PCDH15: variants seen among roughly 807,000 people sequenced by gnomAD.
The protein encoded by PCDH15 is protocadherin related 15.
In PCDH15, 129 loss-of-function variants were observed where a neutral mutation model predicts 178.5. That is an observed-to-expected ratio of 0.72 (90% CI 0.63 to 0.84). The LOEUF (loss-of-function observed/expected upper bound fraction) is 0.84, where lower values mean the gene tolerates loss of function less well. Among genes scored for constraint, PCDH15 ranks in the 40% least tolerant of loss-of-function variants. The pLI, the probability that PCDH15 is intolerant of heterozygous loss-of-function variation, is 0.00. For synonymous variants in PCDH15, 800 were observed against 732.0 expected (o/e 1.09, Z -1.50); for missense variants, 2,230 against 2,099.9 (o/e 1.06, Z -1.21).
At chr10:55,419,746 A>G (rs1007375068) in intron 2 of PCDH15, among the ~76,000 whole-genome samples, 1 of 106,002 alleles carries the variant, frequency 9.4e-6, no homozygotes, top group Non-Finnish European at 1.9e-5. Flanking sequence ...TATTATCTAT[A>G]GTTGCTTTAG....
chr10:55,223,426 T>C (rs1226558274), intron 1 of PCDH15, among the ~76,000 whole-genome samples: 2 of 152,152 alleles, frequency 1.3e-5, no homozygotes, highest in Non-Finnish European at 2.9e-5. Flanking sequence ...TACTCCTTGA[T>C]AACACTGTAA....
chr10:54,218,932 T>C (rs1308991204), intron 9 of PCDH15, among the ~76,000 whole-genome samples: 2 of 151,656 alleles, frequency 1.3e-5, no homozygotes, highest in Non-Finnish European at 2.9e-5. Context: ...AATTTAAAAA[T>C]AAATGGAAAG....
At chr10:54,250,268 T>C (rs893434308) in intron 8 of PCDH15, among the ~76,000 whole-genome samples, 33 of 99,662 alleles carry the variant, frequency 3.3e-4, no homozygotes, top group African/African-American at 1.5e-3. Context: ...ATGCTATTAC[T>C]TTTTTTTTTT....
chr10:53,815,582 TTAGCAAAGACAGAATTCTGTA>T (rs1685839669), intron 35 of PCDH15, among the ~76,000 whole-genome samples: 2 of 152,120 alleles, frequency 1.3e-5, no homozygotes, highest in Admixed American at 1.3e-4. Flanking sequence ...ATGCCTCTTT[TTAGCAAAGACAGAATTCTGTA>T]CTCAAGGAAA....
intron 2 of PCDH15, among the ~76,000 whole-genome samples, chr10:55,580,367 T>A (rs1215397832): frequency 4.0e-5 from 6 of 150,424 alleles, no homozygotes; most frequent in East Asian, 1.9e-4. Flanking sequence ...TTTATTTTTT[T>A]TTTTTTTTGA....
chr10:55,555,707 G>A (rs1842077091), intron 2 of PCDH15, among the ~76,000 whole-genome samples: 1 of 152,072 alleles, frequency 6.6e-6, no homozygotes, highest in Admixed American at 6.6e-5. Context: ...CATGTTAGAA[G>A]TAATGAGGGT....
intron 21 of PCDH15, among the ~76,000 whole-genome samples, chr10:53,986,329 A>G (rs2091099645): frequency 6.6e-6 from 1 of 152,240 alleles, no homozygotes; most frequent in Admixed American, 6.5e-5. Context: ...TTTTAAAGTT[A>G]GCAAGAATGT....
chr10:54,159,794 A>G (rs1232606299), intron 13 of PCDH15, among the ~76,000 whole-genome samples: 6 of 152,226 alleles, frequency 3.9e-5, no homozygotes, highest in Non-Finnish European at 8.8e-5. Context: ...GTAAAAAAAT[A>G]CAGATAAATT....
chr10:54,358,258 C>T (rs1479102650), intron 5 of PCDH15, among the ~76,000 whole-genome samples: 2 of 151,428 alleles, frequency 1.3e-5, no homozygotes, highest in Non-Finnish European at 2.9e-5. Flanking sequence ...GTTTTCGCAA[C>T]CTACTCATCT....
intron 18 of PCDH15, among the ~76,000 whole-genome samples, chr10:54,039,255 A>G (rs1474484525): frequency 6.6e-6 from 1 of 152,006 alleles, no homozygotes; most frequent in Non-Finnish European, 1.5e-5. Context: ...GGATGCTGCT[A>G]TAACTAGTGT....
At chr10:55,171,931 A>C (rs1839345019) in intron 1 of PCDH15, among the ~76,000 whole-genome samples, 2 of 152,090 alleles carry the variant, frequency 1.3e-5, no homozygotes, top group South Asian at 4.1e-4. Context: ...AATCAATGCC[A>C]ACAAGCTTTT....
intron 2 of PCDH15, among the ~76,000 whole-genome samples, chr10:55,604,095 C>T (rs1276820693): frequency 2.9e-5 from 3 of 102,682 alleles, no homozygotes; most frequent in African/African-American, 1.3e-4. Context: ...GGTTGCAATC[C>T]TAGTCTCTGA....
At chr10:54,933,819 G>A (rs1397959426) in intron 2 of PCDH15, among the ~76,000 whole-genome samples, 1 of 152,082 alleles carries the variant, frequency 6.6e-6, no homozygotes, top group Non-Finnish European at 1.5e-5. Context: ...AATTGACTCT[G>A]TAATAACTCT....
chr10:54,485,141 C>T (rs2079010101), intron 3 of PCDH15, among the ~76,000 whole-genome samples: 1 of 151,544 alleles, frequency 6.6e-6, no homozygotes, highest in South Asian at 2.1e-4. Context: ...AAATTTTGTT[C>T]AGAATACCAA....
intron 2 of PCDH15, among the ~76,000 whole-genome samples, chr10:55,165,887 C>G (rs1021036767): frequency 1.3e-5 from 2 of 151,918 alleles, no homozygotes; most frequent in Admixed American, 6.6e-5. Flanking sequence ...TATTCTATTT[C>G]TGTACCTTTT....
Position 55,235,114 on chromosome 10 carries a change from C to T in PCDH15, c.-155-68463G>A, listed in dbSNP as rs183272225. Among the ~76,000 whole-genome samples the T allele has an allele frequency of 3.1e-3, 478 of 151,992 alleles. 10 individuals carry two copies. The highest frequency in any genetic ancestry group is 0.011 in the African/African-American group (444 of 41,440). On this transcript the variant is annotated intron_variant, in intron 1 of 5. Coordinates refer to the PCDH15 transcript ENST00000458638. ...AAAAATAAGGAGTTTGGCATTTTAA[C>T]CAAATTTTAAAATATATCAATTTCT...
At chr10:54,279,071 A>G (rs2044002) in intron 8 of PCDH15, among the ~76,000 whole-genome samples, 74,354 of 151,270 alleles carry the variant, frequency 0.49, 19,278 homozygotes, top group Middle Eastern at 0.6. Flanking sequence ...TTATTGTCTC[A>G]CTGCTAAGTA....
chr10:55,325,498 G>A (rs1258039466), intron 2 of PCDH15, among the ~76,000 whole-genome samples: 4 of 152,182 alleles, frequency 2.6e-5, no homozygotes, highest in South Asian at 4.1e-4. Flanking sequence ...GATAGCGCTA[G>A]GATAACTGGC....
At position 54,348,369 on chromosome 10, in the gene PCDH15, A is replaced by T. The variant is rs73248067; in HGVS notation, c.475-1885T>A. 6.5e-3 allele frequency among the ~76,000 whole-genome samples: 987 copies of T among 152,212 alleles called. 14 individuals carry two copies. Among genetic ancestry groups the T allele is most frequent in the African/African-American group, 0.022 (931 of 41,518 alleles). The stretch of plus-strand genomic sequence containing the variant: ...AGAGCTGAGAATGAAGTGAGACGAG[A>T]TCGTTTAAGTAGTACCTATGAGGAC... On this transcript the variant is annotated intron_variant, in intron 5 of 37. Coordinates refer to ENST00000644397, the MANE Select transcript of PCDH15 (RefSeq NM_001384140.1).
Sources: gnomAD v4.1 joint callset for allele counts (sites outside exome capture counted in the v4.1 genomes callset) on GRCh38, gnomAD v4.1.1 for gene constraint, MANE v1.5 for transcripts, NCBI Gene and HGNC (gene_info 2026-07-23, HGNC 2026-07-21) for gene names.